The following GRM7 variants were observed in gnomAD, a reference collection of about 807,000 sequenced individuals.
GRM7 encodes the protein glutamate metabotropic receptor 7, also known as metabotropic glutamate receptor 7.
In GRM7, 35 loss-of-function variants were observed where a neutral mutation model predicts 84.5. The observed-to-expected ratio is 0.41, with a 90% CI of 0.32 to 0.55. GRM7 has a LOEUF of 0.55. Ranked by LOEUF, GRM7 falls within the 20% of genes least tolerant of loss-of-function variation. The pLI is 0.19. For missense variants in GRM7, 1,003 were observed against 1,194.6 expected, an observed-to-expected ratio of 0.84 and a Z score of 2.36; for synonymous variants, 487 against 455.1, an observed-to-expected ratio of 1.07 and a Z score of -0.89.
intron 4 of GRM7, among the ~76,000 whole-genome samples, chr3:7,403,797 G>A (rs1575284721): frequency 1.3e-5 from 2 of 150,752 alleles, no homozygotes; most frequent in African/African-American, 4.9e-5. Flanking sequence ...GTGAATATAT[G>A]TATATATATA....
chr3:7,408,938 T>A (rs982883425), intron 4 of GRM7, among the ~76,000 whole-genome samples: 6 of 152,226 alleles, frequency 3.9e-5, no homozygotes, highest in Admixed American at 3.3e-4. Context: ...CTGGTTGCTG[T>A]TTATTAGACA....
chr3:7,658,889 A>G (rs1041297058), intron 8 of GRM7, among the ~76,000 whole-genome samples: 2 of 152,220 alleles, frequency 1.3e-5, no homozygotes, highest in South Asian at 2.1e-4. Context: ...ATAAAAAGAT[A>G]ATAAAACATG....
intron 2 of GRM7, among the ~76,000 whole-genome samples, chr3:7,219,499 C>T (rs537263952): frequency 6.6e-6 from 1 of 152,178 alleles, no homozygotes; most frequent in Non-Finnish European, 1.5e-5. Context: ...GTTTAAAAGA[C>T]ATTGCCTTCA....
intron 7 of GRM7, among the ~76,000 whole-genome samples, chr3:7,529,512 C>A (rs922043245): frequency 2.2e-4 from 34 of 152,088 alleles, no homozygotes; most frequent in African/African-American, 8.0e-4. Flanking sequence ...AAGAGTAGAA[C>A]TATTGGGTCA....
intron 2 of GRM7, among the ~76,000 whole-genome samples, chr3:7,271,821 T>G (rs1698876132): frequency 6.6e-6 from 1 of 152,188 alleles, no homozygotes; most frequent in Non-Finnish European, 1.5e-5. Context: ...CAAGTACTTC[T>G]CAACTGAGTG....
chr3:7,630,317 T>C (rs1436574265), intron 8 of GRM7, among the ~76,000 whole-genome samples: 1 of 150,600 alleles, frequency 6.6e-6, no homozygotes, highest in Non-Finnish European at 1.5e-5. Flanking sequence ...TCTGATTAGA[T>C]GCAAACAAGC....
At chr3:7,439,593 G>A (rs963503282) in intron 5 of GRM7, among the ~76,000 whole-genome samples, 1 of 152,190 alleles carries the variant, frequency 6.6e-6, no homozygotes, top group Non-Finnish European at 1.5e-5. Flanking sequence ...TGACAAACAA[G>A]TCAAGACATA....
At chr3:7,064,479 T>TATATATATATATATACACACAC in intron 1 of GRM7, among the ~76,000 whole-genome samples, 14 of 99,384 alleles carry the variant, frequency 1.4e-4, no homozygotes, top group South Asian at 6.8e-4. Flanking sequence ...TATATATATA[T>TATATATATATATATACACACAC]ACACACATAT....
In GRM7 at chr3:6,861,998, A is replaced by C. The variant is rs1018144667; in HGVS notation, c.519+91A>C. 1.8e-6 allele frequency: 2 copies of C among 1,096,852 alleles called. No homozygotes were observed. Among genetic ancestry groups the C allele is most frequent in the Non-Finnish European group, 1.3e-6 (1 of 764,300 alleles). The allele number at this position is 1,096,852 out of a possible 1,614,324, so 67.9% of individuals were successfully genotyped here. Reference sequence around the variant, plus strand: ...GGCTTGGACTCCGGTGGTGCGGGTCAGGTCAGCCTTCGCTCATTTCCTCCC... The same window carrying C: ...GGCTTGGACTCCGGTGGTGCGGGTCCGGTCAGCCTTCGCTCATTTCCTCCC... On this transcript the variant is annotated intron_variant, in intron 1 of 9. Coordinates refer to ENST00000357716, the MANE Select transcript of GRM7 (RefSeq NM_000844.4). The surrounding 1 kb of genome is among the most constrained non-coding windows in gnomAD (Gnocchi z 6.4).
chr3:6,890,950 C>T (rs896215645), intron 1 of GRM7, among the ~76,000 whole-genome samples: 52 of 151,970 alleles, frequency 3.4e-4, no homozygotes, highest in African/African-American at 4.1e-4. Flanking sequence ...GGATAGTTAG[C>T]TCTTCTTATT....
chr3:7,721,481 A>C (rs1406363617), intron 9 of GRM7, among the ~76,000 whole-genome samples: 1 of 152,240 alleles, frequency 6.6e-6, no homozygotes, highest in African/African-American at 2.4e-5. Flanking sequence ...TGACAGCATC[A>C]GCTTGGTAGT....
At chr3:7,306,686 G>A in intron 4 of GRM7, 34 bp downstream of exon 4, 1 of 1,540,772 alleles carries the variant, frequency 6.5e-7, no homozygotes, top group Non-Finnish European at 8.8e-7. Context: ...TTTGCTGAGA[G>A]AAGTTCTGGT....
intron 8 of GRM7, among the ~76,000 whole-genome samples, chr3:7,612,420 C>A (rs1409865774): frequency 3.3e-5 from 5 of 152,076 alleles, no homozygotes; most frequent in Non-Finnish European, 7.4e-5. Context: ...TGAGTCCCTG[C>A]CTTTGAGGAG....
intron 2 of GRM7, among the ~76,000 whole-genome samples, chr3:7,293,034 C>CAAAAAAAAAAAAAAAA (rs142561309): frequency 5.8e-5 from 7 of 120,574 alleles, no homozygotes; most frequent in African/African-American, 2.2e-4. Context: ...GACTTGGTCT[C>CAAAAAAAAAAAAAAAA]AAAAAAAAAA....
intron 2 of GRM7, among the ~76,000 whole-genome samples, chr3:7,198,153 G>A (rs1391752037): frequency 5.8e-5 from 7 of 119,732 alleles, no homozygotes; most frequent in African/African-American, 2.3e-4. Context: ...AGGATAAAAT[G>A]TTAAAAAAAA....
intron 4 of GRM7, among the ~76,000 whole-genome samples, chr3:7,351,116 T>C (rs1488921025): frequency 1.3e-5 from 2 of 152,032 alleles, no homozygotes; most frequent in Admixed American, 1.3e-4. Flanking sequence ...GCCAATGATA[T>C]TTGTCTTCTC....
chr3:7,056,603 G>A (rs746760719), intron 1 of GRM7, among the ~76,000 whole-genome samples: 2 of 151,966 alleles, frequency 1.3e-5, no homozygotes, highest in Non-Finnish European at 1.5e-5. Flanking sequence ...CAGCTCAGAG[G>A]TGAATCAGGT....
chr3:7,509,427 T>C (rs924353), intron 7 of GRM7, among the ~76,000 whole-genome samples: 57,264 of 152,056 alleles, frequency 0.38, 12,229 homozygotes, highest in East Asian at 0.65. Flanking sequence ...ATAGGATGGG[T>C]ACTATCTGGC....
chr3:6,892,427 A>C (rs1248856834), intron 1 of GRM7, among the ~76,000 whole-genome samples: 2 of 152,172 alleles, frequency 1.3e-5, no homozygotes, highest in Non-Finnish European at 2.9e-5. Flanking sequence ...GTCTGCTTCT[A>C]GTTACTGAAA....
Sources: gnomAD v4.1 joint callset for allele counts (sites outside exome capture counted in the v4.1 genomes callset) on GRCh38, gnomAD v4.1.1 for gene constraint, Gnocchi (gnomAD v3.1) non-coding constraint, MANE v1.5 for transcripts, NCBI Gene and HGNC (gene_info 2026-07-23, HGNC 2026-07-21) for gene names.